The following DYNC2H1 variants were observed in gnomAD, a reference collection of about 807,000 sequenced individuals.
The protein encoded by DYNC2H1 is dynein cytoplasmic 2 heavy chain 1, also known as cytoplasmic dynein 2 heavy chain 1.
Under a neutral mutation model 570.0 loss-of-function variants are expected in DYNC2H1, and 410 were observed. The observed-to-expected ratio is 0.72, with a 90% CI of 0.66 to 0.78. The LOEUF (loss-of-function observed/expected upper bound fraction) is 0.78. Among genes scored for constraint, DYNC2H1 ranks in the 30% least tolerant of loss-of-function variants. DYNC2H1 has a pLI of 0.00. For synonymous variants in DYNC2H1, 1,688 were observed against 1,677.6 expected, an observed-to-expected ratio of 1.01 and a Z score of -0.15; for missense variants, 4,865 against 5,046.4, an observed-to-expected ratio of 0.96 and a Z score of 1.09.
chr11:103,188,757 G>T, intron 44 of DYNC2H1, 109 bp downstream of exon 44: 6 of 935,500 alleles, frequency 6.4e-6, no homozygotes, highest in Non-Finnish European at 8.6e-6. Flanking sequence ...TATAAAAATG[G>T]TCAAACTTAA....
intron 87 of DYNC2H1, among the ~76,000 whole-genome samples, chr11:103,457,244 T>G (rs1196356235): frequency 6.6e-6 from 1 of 152,224 alleles, no homozygotes; most frequent in Non-Finnish European, 1.5e-5. Context: ...GCTTTATGTA[T>G]TTACTATATA....
At chr11:103,361,974 G>C (rs1014298954) in intron 83 of DYNC2H1, among the ~76,000 whole-genome samples, 1 of 152,112 alleles carries the variant, frequency 6.6e-6, no homozygotes, top group Admixed American at 6.6e-5. Context: ...AAGTTTAGGT[G>C]GAATAAGGAG....
At chr11:103,165,111 CATA>C (rs1242249536) in intron 30 of DYNC2H1, among the ~76,000 whole-genome samples, 1 of 152,048 alleles carries the variant, frequency 6.6e-6, no homozygotes, top group Non-Finnish European at 1.5e-5. Context: ...ATAAAAGAAC[CATA>C]ATGTAATATT....
chr11:103,388,743 A>G (rs7948059), intron 83 of DYNC2H1, among the ~76,000 whole-genome samples: 2,421 of 152,202 alleles, frequency 0.016, 67 homozygotes, highest in African/African-American at 0.055. Flanking sequence ...CCTTTTCTGT[A>G]TCTATTGAGG....
At chr11:103,175,067 A>G (rs1205512974) in intron 36 of DYNC2H1, among the ~76,000 whole-genome samples, 2 of 152,140 alleles carry the variant, frequency 1.3e-5, no homozygotes, top group African/African-American at 4.8e-5. Context: ...ACTCATATAT[A>G]TGTGCTATAC....
chr11:103,359,499 T>G (rs1940524258), intron 83 of DYNC2H1, among the ~76,000 whole-genome samples: 1 of 152,112 alleles, frequency 6.6e-6, no homozygotes. Context: ...CATACATACC[T>G]TCTTTGTAAT....
intron 82 of DYNC2H1, among the ~76,000 whole-genome samples, chr11:103,353,006 A>G (rs1217031007): frequency 6.6e-6 from 1 of 152,188 alleles, no homozygotes; most frequent in Non-Finnish European, 1.5e-5. Flanking sequence ...AGGGACATGA[A>G]TGAAACTAGA....
chr11:103,274,638 C>G (rs1865839163), intron 70 of DYNC2H1, among the ~76,000 whole-genome samples: 1 of 152,142 alleles, frequency 6.6e-6, no homozygotes. Flanking sequence ...TACTACGCTA[C>G]ACATCTTCCC....
rs1862713691 is a variant in DYNC2H1 at position 103,201,406 on chromosome 11, C to A, written c.8197+1252C>A. The stretch of plus-strand genomic sequence containing the variant: ...GATAAGTTCGAGTCTTGTTTTTCCT[C>A]TGAGATATAACATGAAGCACTGTCC... On this transcript the variant is annotated intron_variant, in intron 50 of 88. Transcript: ENST00000375735. The surrounding 1 kb of genome is among the most constrained non-coding windows in gnomAD (Gnocchi z 4.8). Among the ~76,000 whole-genome samples the A allele has an allele frequency of 6.6e-6, 1 of 152,098 alleles. No homozygotes were observed. Among genetic ancestry groups the A allele is most frequent in the African/African-American group, 2.4e-5 (1 of 41,410 alleles).
chr11:103,199,322 GT>G lies in DYNC2H1; in HGVS notation c.7937del (p.Phe2646SerfsTer8). On this transcript the variant is annotated frameshift_variant, in exon 49 of 89. Transcript: ENST00000375735. LOFTEE classifies it high-confidence loss of function. The surrounding 1 kb of genome is among the most constrained non-coding windows in gnomAD (Gnocchi z 4.6). Reference protein sequence around the residue: ...EYMSRIDRVLSFPGGSLLLAG... With the variant: ...EYMSRIDRVLXFPGGSLLLAG... ...ATGTCTAGGATAGATAGAGTGCTGA[GT>G]TTCCCTGGAGGTTCACTTCTATTAG... 6.2e-7 allele frequency: 1 copy of G among 1,611,850 alleles called. No individual in the cohort carries two copies. Among genetic ancestry groups the G allele is most frequent in the Non-Finnish European group, 8.5e-7 (1 of 1,179,694 alleles).
chr11:103,112,220 G>T (rs953368812), intron 1 of DYNC2H1, among the ~76,000 whole-genome samples: 8 of 152,054 alleles, frequency 5.3e-5, no homozygotes, highest in Non-Finnish European at 8.8e-5. Context: ...TTAGTTTCCA[G>T]GGGCAAGAAA....
rs370260241 is a variant in DYNC2H1, at chr11:103,179,026, A to G, written c.6140A>G (p.Asp2047Gly). ...SARQVVREPQ[D>G]VSSWIICDGD... ...CTCCACTGTTTTGATTTGAAAATAG[A>G]TGTCAGCTCATGGATAATCTGTGAT... is the stretch of plus-strand genomic sequence containing the variant. The change falls in exon 39 of 89, where the codon GAT becomes GGT. Residue 2047 changes from aspartate (D) to glycine (G), a missense_variant and splice_region_variant. By Grantham distance (94) the Asp-to-Gly change is moderately conservative (BLOSUM62 -1). This residue lies in a region of DYNC2H1 where 231 missense variants were observed against 310.3 expected (regional missense o/e 0.74). Coordinates refer to ENST00000375735, the MANE Select transcript of DYNC2H1 (RefSeq NM_001377.3). 1 of 1,602,610 alleles carries G rather than the reference A, an allele frequency of 6.2e-7. No individual in the cohort carries two copies. The highest frequency in any genetic ancestry group is 8.5e-7 in the Non-Finnish European group (1 of 1,172,094).
intron 79 of DYNC2H1, among the ~76,000 whole-genome samples, chr11:103,314,524 C>T (rs1160142368): frequency 3.3e-5 from 5 of 151,920 alleles, no homozygotes; most frequent in African/African-American, 1.2e-4. Context: ...TCATTTAACA[C>T]CTATTTATAG....
intron 13 of DYNC2H1, among the ~76,000 whole-genome samples, chr11:103,131,590 A>G (rs1398823555): frequency 6.6e-6 from 1 of 151,688 alleles, no homozygotes; most frequent in Non-Finnish European, 1.5e-5. Context: ...AACTTCCTTT[A>G]GCCATGGTTT....
rs977232398 is a variant in DYNC2H1, at chr11:103,249,326, C to G, written c.10042+3952C>G. On this transcript the variant is annotated intron_variant, in intron 65 of 88. Transcript: ENST00000375735. This position sits in a 1 kb window ranked among gnomAD's most constrained non-coding sequence, Gnocchi z 4.6. ...TGTTCCTCCCCTCCCATGACTAGTT[C>G]TACTCACCAAAGAAAAACTTTTTTT... is the stretch of plus-strand genomic sequence containing the variant. Among the ~76,000 whole-genome samples, 2 of 151,930 alleles carry G rather than the reference C, an allele frequency of 1.3e-5. No homozygotes were observed. The highest frequency in any genetic ancestry group is 2.4e-5 in the African/African-American group (1 of 41,390).
chr11:103,247,831 G>A (rs532259873), intron 65 of DYNC2H1, among the ~76,000 whole-genome samples: 3 of 151,992 alleles, frequency 2.0e-5, no homozygotes, highest in African/African-American at 7.2e-5. Flanking sequence ...GTGGTTAGTT[G>A]ATGGGTATAG....
intron 70 of DYNC2H1, among the ~76,000 whole-genome samples, chr11:103,270,009 A>G (rs1484171059): frequency 1.3e-5 from 2 of 151,952 alleles, no homozygotes; most frequent in Non-Finnish European, 2.9e-5. Context: ...TCTGACCAAC[A>G]TGGTGAAACG....
In DYNC2H1 at chr11:103,129,600, CTT is replaced by C. The variant is rs1440870828; in HGVS notation, c.1953+596_1953+597del. Among the ~76,000 whole-genome samples, 1 of 151,978 alleles carries C rather than the reference CTT, an allele frequency of 6.6e-6. No homozygotes were observed. On this transcript the variant is annotated intron_variant, in intron 13 of 88. Transcript: ENST00000375735. The surrounding 1 kb of genome is among the most constrained non-coding windows in gnomAD (Gnocchi z 4.1). ...TCGGGAGGCTGATGCAGGAGAATCA[CTT>C]GAACCCAGGAGGTGGAGGTTGCAGT...
chr11:103,471,782 A>G (rs1205973628), intron 88 of DYNC2H1, among the ~76,000 whole-genome samples: 1 of 152,198 alleles, frequency 6.6e-6, no homozygotes, highest in Non-Finnish European at 1.5e-5. Flanking sequence ...TCTTCCGCCA[A>G]CTGGGGAAGC....
Sources: allele counts gnomAD v4.1 joint callset (sites outside exome capture counted in the v4.1 genomes callset), GRCh38; gene constraint gnomAD v4.1.1; regional missense constraint gnomAD v4.1.1; non-coding constraint Gnocchi (gnomAD v3.1); transcripts MANE v1.5; gene names NCBI Gene and HGNC (gene_info 2026-07-23, HGNC 2026-07-21).